Variants in HORMAD2 observed in about 807,000 individuals in gnomAD.
HORMAD2 encodes HORMA domain-containing protein 2.
A neutral mutation model predicts 38.8 loss-of-function variants in HORMAD2; 45 were observed. The observed-to-expected ratio is 1.16, with a 90% CI of 0.91 to 1.49. The LOEUF is 1.49. Ranked by LOEUF, HORMAD2 falls within the 40% of genes most tolerant of loss-of-function variation. HORMAD2 has a pLI of 0.00. For synonymous variants in HORMAD2, 126 were observed against 122.8 expected (o/e 1.03, Z -0.17); for missense variants, 338 against 367.0 (o/e 0.92, Z 0.65).
At chr22:30,128,497 A>G (rs963862626) in intron 10 of HORMAD2, among the ~76,000 whole-genome samples, 3 of 152,184 alleles carry the variant, frequency 2.0e-5, no homozygotes, top group African/African-American at 7.2e-5. Context: ...TGAAACATTT[A>G]GGTTAATTCT....
At chr22:30,162,348 C>T (rs1013424808) in intron 10 of HORMAD2, among the ~76,000 whole-genome samples, 2 of 142,990 alleles carry the variant, frequency 1.4e-5, no homozygotes, top group African/African-American at 5.3e-5. Flanking sequence ...CACACACACA[C>T]ACGATATGTT....
chr22:30,137,887 T>C (rs1269575858), intron 10 of HORMAD2, among the ~76,000 whole-genome samples: 1 of 152,226 alleles, frequency 6.6e-6, no homozygotes, highest in Non-Finnish European at 1.5e-5. Flanking sequence ...CATTTGTATA[T>C]AAGTTCTTTT....
intron 10 of HORMAD2, among the ~76,000 whole-genome samples, chr22:30,158,976 C>T (rs1021545313): frequency 5.9e-5 from 9 of 152,036 alleles, no homozygotes; most frequent in Admixed American, 5.2e-4. Context: ...TGAGCCACTG[C>T]GCCTGCCCCT....
rs143578441 is a variant in HORMAD2 at position 30,118,704 on chromosome 22, T to C, written c.343-276T>C. On this transcript the variant is annotated intron_variant, in intron 7 of 10. Coordinates refer to ENST00000336726, the MANE Select transcript of HORMAD2 (RefSeq NM_152510.4). ...ACTGTTTCCACTGTTGTTTACCTAG[T>C]TTGGTTAGATATTTGACTCTGTGAT... Among the ~76,000 whole-genome samples, 722 of 152,276 alleles carry C rather than the reference T, an allele frequency of 4.7e-3. 8 individuals carry two copies. Among genetic ancestry groups the C allele is most frequent in the African/African-American group, 0.016 (684 of 41,564 alleles).
At chr22:30,131,556 AT>A (rs200549816) in intron 10 of HORMAD2, among the ~76,000 whole-genome samples, 1 of 151,966 alleles carries the variant, frequency 6.6e-6, no homozygotes, top group Admixed American at 6.6e-5. Context: ...CATACAAATG[AT>A]TTTTTTTGAG....
chr22:30,196,083 C>T, the HORMAD2 span, among the ~76,000 whole-genome samples: 1 of 152,240 alleles, frequency 6.6e-6, no homozygotes, highest in African/African-American at 2.4e-5. Flanking sequence ...ATGGCATTGG[C>T]TTACTAAGCC....
intron 10 of HORMAD2, among the ~76,000 whole-genome samples, chr22:30,140,009 TG>T (rs1923964837): frequency 6.6e-6 from 1 of 152,010 alleles, no homozygotes; most frequent in Non-Finnish European, 1.5e-5. Context: ...AGTATTTTGT[TG>T]AGGATTTTTG....
chr22:30,113,546 G>C (rs1482288309), intron 7 of HORMAD2, among the ~76,000 whole-genome samples: 3 of 152,114 alleles, frequency 2.0e-5, no homozygotes, highest in African/African-American at 4.8e-5. Context: ...CCCAGATTGT[G>C]AATTCTTGAG....
At chr22:30,118,945 T>C in intron 7 of HORMAD2, 35 bp from the exon 8 acceptor site, 1 of 1,433,594 alleles carries the variant, frequency 7.0e-7, no homozygotes, top group Non-Finnish European at 9.6e-7. Context: ...CTTTTCTAAA[T>C]TCTTTTTTTT....
At chr22:30,092,496 A>G (rs1027610547) in intron 1 of HORMAD2, among the ~76,000 whole-genome samples, 3 of 151,836 alleles carry the variant, frequency 2.0e-5, no homozygotes, top group Admixed American at 6.6e-5. Flanking sequence ...CTGTGTAGAA[A>G]CTTTTTAGTT....
At chr22:30,147,076 T>A (rs1202380104) in intron 10 of HORMAD2, among the ~76,000 whole-genome samples, 1 of 152,208 alleles carries the variant, frequency 6.6e-6, no homozygotes, top group Non-Finnish European at 1.5e-5. Context: ...ACCATATTCA[T>A]GGATTGGAAG....
chr22:30,116,125 C>A lies in HORMAD2; in HGVS notation c.343-2855C>A, dbSNP rs368492745. Among the ~76,000 whole-genome samples, 11 of 152,096 alleles carry A rather than the reference C, an allele frequency of 7.2e-5. No homozygotes were observed. In the South Asian group the frequency reaches 1.9e-3, roughly 26 times the overall value. On this transcript the variant is annotated intron_variant, in intron 7 of 10. Coordinates refer to ENST00000336726, the MANE Select transcript of HORMAD2 (RefSeq NM_152510.4). ...ATCATTAACCGGAGACCACATGTTC[C>A]AGAATATAGCTGTGCAAAGGCCCTA... is the stretch of plus-strand genomic sequence containing the variant.
rs1454936161 is a variant in HORMAD2 at position 30,147,589 on chromosome 22, G to T, written c.819+25375G>T. ...TTCCCTAAAAGTACTAACCATAAAA[G>T]AAAAAAATACTGATAAGCAGGACTT... is the stretch of plus-strand genomic sequence containing the variant. On this transcript the variant is annotated intron_variant, in intron 10 of 10. Transcript: ENST00000336726. Among the ~76,000 whole-genome samples, 3 of 151,476 alleles carry T rather than the reference G, an allele frequency of 2.0e-5. No homozygotes were observed. In the East Asian group the frequency reaches 5.8e-4, roughly 29 times the overall value.
At chr22:30,103,325 T>C (rs1439432583) in intron 3 of HORMAD2, 112 bp from the exon 4 acceptor site, 19 of 668,704 alleles carry the variant, frequency 2.8e-5, no homozygotes, top group Non-Finnish European at 4.2e-5. Context: ...GCTATAAAAC[T>C]AAATAAATTA....
chr22:30,126,026 A>G (rs1031164049), intron 10 of HORMAD2, among the ~76,000 whole-genome samples: 1 of 152,202 alleles, frequency 6.6e-6, no homozygotes, highest in Non-Finnish European at 1.5e-5. Context: ...AGATCAAGAA[A>G]TAGAATTCTT....
intron 5 of HORMAD2, among the ~76,000 whole-genome samples, chr22:30,108,353 C>G (rs1400233131): frequency 2.0e-5 from 3 of 152,094 alleles, no homozygotes; most frequent in African/African-American, 7.2e-5. Flanking sequence ...TCTGCAAGGC[C>G]TGTATGATCC....
the HORMAD2 span, among the ~76,000 whole-genome samples, chr22:30,206,620 T>C: frequency 6.6e-6 from 1 of 151,890 alleles, no homozygotes; most frequent in African/African-American, 2.4e-5. Context: ...GAACTGGAAC[T>C]ACAAATGCAT....
At chr22:30,110,326 A>G (rs1921529469) in intron 5 of HORMAD2, among the ~76,000 whole-genome samples, 1 of 151,906 alleles carries the variant, frequency 6.6e-6, no homozygotes, top group Non-Finnish European at 1.5e-5. Flanking sequence ...GTTTTCAGAT[A>G]TCTAGGAAAT....
chr22:30,125,205 C>CTTTT (rs1569099710), intron 10 of HORMAD2, among the ~76,000 whole-genome samples: 3 of 69,466 alleles, frequency 4.3e-5, no homozygotes, highest in African/African-American at 1.8e-4. Context: ...TTTTCACTTT[C>CTTTT]TTTTTCTTTT....
Sources: gnomAD v4.1 joint callset for allele counts (sites outside exome capture counted in the v4.1 genomes callset) on GRCh38, gnomAD v4.1.1 for gene constraint, MANE v1.5 for transcripts, NCBI Gene and HGNC (gene_info 2026-07-23, HGNC 2026-07-21) for gene names.